The following SAXO1 variants were observed in gnomAD, a reference collection of about 807,000 sequenced individuals.
The protein encoded by SAXO1 is stabilizer of axonemal microtubules 1, also known as 4930500O09Rik.
SAXO1 carries 21 observed loss-of-function variants against 17.5 expected under a neutral mutation model. That is an observed-to-expected ratio of 1.20 (90% CI 0.85 to 1.72). The LOEUF is 1.72. Among genes scored for constraint, SAXO1 ranks in the 40% most tolerant of loss-of-function variants. The pLI, the probability that SAXO1 is intolerant of heterozygous loss-of-function variation, is 0.00. For missense variants in SAXO1, 843 were observed against 596.0 expected (o/e 1.41, Z -4.32); for synonymous variants, 274 against 216.5 (o/e 1.27, Z -2.33).
intron 1 of SAXO1, among the ~76,000 whole-genome samples, chr9:19,041,832 A>G (rs1016871101): frequency 1.3e-5 from 2 of 152,242 alleles, no homozygotes; most frequent in African/African-American, 2.4e-5. Context: ...ACCTCAAACC[A>G]TGAAACTATT....
chr9:19,001,325 T>C (rs554432894), intron 1 of SAXO1, among the ~76,000 whole-genome samples: 11 of 152,162 alleles, frequency 7.2e-5, no homozygotes, highest in Non-Finnish European at 1.3e-4. Context: ...CTGAACAACC[T>C]GCTCCTGAAT....
chr9:18,946,498 G>GT (rs1374523941), intron 2 of SAXO1, among the ~76,000 whole-genome samples: 4 of 151,904 alleles, frequency 2.6e-5, no homozygotes, highest in Non-Finnish European at 5.9e-5. Context: ...AAGACACAGA[G>GT]TTTGCATTGT....
At chr9:18,966,991 T>C (rs2148845) in intron 1 of SAXO1, among the ~76,000 whole-genome samples, 124,213 of 152,204 alleles carry the variant, frequency 0.82, 50,919 homozygotes, top group African/African-American at 0.88. Context: ...TTCCTTCTAA[T>C]AGTCAAGCCC....
chr9:19,014,417 C>T (rs1001206234), intron 1 of SAXO1, among the ~76,000 whole-genome samples: 4 of 138,722 alleles, frequency 2.9e-5, no homozygotes, highest in Non-Finnish European at 4.5e-5. Flanking sequence ...GCTGAGATCA[C>T]GCCACTGCAC....
chr9:19,014,656 T>G (rs2130998753), intron 1 of SAXO1, among the ~76,000 whole-genome samples: 1 of 152,210 alleles, frequency 6.6e-6, no homozygotes, highest in Admixed American at 6.5e-5. Context: ...GCTTTGTCAG[T>G]GGATAGGATC....
At chr9:19,010,196 TA>T (rs374484904) in intron 1 of SAXO1, among the ~76,000 whole-genome samples, 48 of 152,078 alleles carry the variant, frequency 3.2e-4, no homozygotes, top group African/African-American at 1.1e-3. Flanking sequence ...TGAAACCTAG[TA>T]AGGTTTATTT....
At chr9:19,034,586 C>A (rs547208793), upstream of SAXO1, among the ~76,000 whole-genome samples, 10 of 152,166 alleles carry the variant, frequency 6.6e-5, no homozygotes, top group South Asian at 2.1e-3. Flanking sequence ...GAGTTCCAAC[C>A]CCAGTTATAG....
At chr9:18,956,799 G>A (rs964455491) in intron 1 of SAXO1, among the ~76,000 whole-genome samples, 14 of 152,182 alleles carry the variant, frequency 9.2e-5, no homozygotes, top group African/African-American at 2.2e-4. Context: ...CAATTACTAC[G>A]CACAACACGG....
rs76950757 is a variant in SAXO1 at position 18,990,336 on chromosome 9, A to G, written c.39-39399T>C. ...AGAGCCAGTCAACACACATTAACTC[A>G]TGACAATGGGACAATTTTACAGATT... is the stretch of plus-strand genomic sequence containing the variant. On this transcript the variant is annotated intron_variant, in intron 1 of 3. Transcript: ENST00000380534. Among the ~76,000 whole-genome samples the G allele has an allele frequency of 7.3e-3, 1,104 of 152,274 alleles. 11 individuals are homozygous for G. The highest frequency in any genetic ancestry group is 0.026 in the African/African-American group (1,060 of 41,556).
At chr9:18,949,044 G>A (rs1831916923) in intron 2 of SAXO1, among the ~76,000 whole-genome samples, 2 of 152,126 alleles carry the variant, frequency 1.3e-5, no homozygotes, top group Non-Finnish European at 1.5e-5. Flanking sequence ...GCTCAGAAAT[G>A]GTTCACACTT....
chr9:19,023,594 C>T (rs1835340688), intron 1 of SAXO1, among the ~76,000 whole-genome samples: 1 of 152,152 alleles, frequency 6.6e-6, no homozygotes, highest in Admixed American at 6.5e-5. Context: ...AATACTCTGC[C>T]ACTTCTCGTA....
intron 1 of SAXO1, among the ~76,000 whole-genome samples, chr9:18,960,149 T>C (rs1329840005): frequency 6.6e-6 from 1 of 152,188 alleles, no homozygotes. Flanking sequence ...AAAAAGAGTT[T>C]CTTCTGTGAA....
At chr9:19,045,517 T>C (rs1182428570) in intron 1 of SAXO1, among the ~76,000 whole-genome samples, 1 of 152,080 alleles carries the variant, frequency 6.6e-6, no homozygotes, top group Non-Finnish European at 1.5e-5. Context: ...TACCATATTG[T>C]AAACAGGATT....
intron 2 of SAXO1, among the ~76,000 whole-genome samples, chr9:18,945,166 A>G (rs1364397480): frequency 3.3e-5 from 5 of 152,144 alleles, no homozygotes; most frequent in Non-Finnish European, 7.4e-5. Context: ...TGTCTTCCAG[A>G]AAGTGTTGTC....
In SAXO1 at chr9:18,996,233, C is replaced by T. The variant is rs561318605; in HGVS notation, c.38+36638G>A. On this transcript the variant is annotated intron_variant, in intron 1 of 3. Coordinates refer to ENST00000380534, the MANE Select transcript of SAXO1 (RefSeq NM_153707.4). Reference sequence around the variant, plus strand: ...GCTTTATCAATCCCCTTTTCTTCTTCGCTGCAGTATTTTAAAGTAAGTCCC... The same window carrying T: ...GCTTTATCAATCCCCTTTTCTTCTTTGCTGCAGTATTTTAAAGTAAGTCCC... Among the ~76,000 whole-genome samples, 466 of 152,312 alleles carry T rather than the reference C, an allele frequency of 3.1e-3. 8 individuals are homozygous for T. In the South Asian group the frequency reaches 0.045, roughly 15 times the overall value.
chr9:18,973,927 G>A (rs1833039953), intron 1 of SAXO1, among the ~76,000 whole-genome samples: 1 of 152,158 alleles, frequency 6.6e-6, no homozygotes, highest in African/African-American at 2.4e-5. Flanking sequence ...ACTATGTTGG[G>A]TAATAATTAG....
At chr9:19,037,586 G>A (rs192356434), upstream of SAXO1, among the ~76,000 whole-genome samples, 261 of 152,192 alleles carry the variant, frequency 1.7e-3, no homozygotes, top group Non-Finnish European at 2.9e-3. Context: ...TGTAAGAAGT[G>A]CCTTTCACCT....
At chr9:18,958,575 C>T (rs1588440294) in intron 1 of SAXO1, among the ~76,000 whole-genome samples, 1 of 151,956 alleles carries the variant, frequency 6.6e-6, no homozygotes, top group Non-Finnish European at 1.5e-5. Flanking sequence ...CAAAGAGATG[C>T]AAATGATATA....
chr9:19,009,053 T>G (rs767814326), intron 1 of SAXO1, among the ~76,000 whole-genome samples: 61 of 152,174 alleles, frequency 4.0e-4, no homozygotes, highest in Admixed American at 4.6e-4. Flanking sequence ...CGCTTTCAAA[T>G]AAACAAATAT....
Sources: gnomAD v4.1 joint callset for allele counts (sites outside exome capture counted in the v4.1 genomes callset) on GRCh38, gnomAD v4.1.1 for gene constraint, MANE v1.5 for transcripts, NCBI Gene and HGNC (gene_info 2026-07-23, HGNC 2026-07-21) for gene names.